Variants in ZFAND3 observed in about 807,000 individuals in gnomAD.
ZFAND3 encodes the protein zinc finger AN1-type containing 3.
A neutral mutation model predicts 29.6 loss-of-function variants in ZFAND3; 10 were observed. The observed-to-expected ratio is 0.34, with a 90% CI of 0.21 to 0.57. The LOEUF (loss-of-function observed/expected upper bound fraction) is 0.57, where lower values mean the gene tolerates loss of function less well. ZFAND3 is among the 20% of genes least tolerant of loss of function. The pLI is 0.86. For synonymous variants in ZFAND3, 128 were observed against 112.6 expected (o/e 1.14, Z -0.87); for missense variants, 230 against 304.5 (o/e 0.76, Z 1.82).
chr6:37,840,138 C>G (rs1332213331), intron 1 of ZFAND3, among the ~76,000 whole-genome samples: 1 of 151,002 alleles, frequency 6.6e-6, no homozygotes, highest in African/African-American at 2.4e-5. Flanking sequence ...GCTCTTGTTG[C>G]CCAAGCTGGA....
chr6:38,152,354 C>A lies in ZFAND3; in HGVS notation c.649C>A (p.Arg217Ser). Residue 217 changes from arginine to serine, a missense_variant, in exon 6 of 6, where the codon CGC becomes AGC. Arg to Ser is a moderately radical substitution (Grantham distance 110). Transcript: ENST00000287218. ...GGTGAAGCTGGACCGGAAAGTGGGGCGCTCCTGCCAGCGCATCGGGGAGGG... is the reference window on the plus strand; with the variant it reads ...GGTGAAGCTGGACCGGAAAGTGGGGAGCTCCTGCCAGCGCATCGGGGAGGG... ...KMVKLDRKVG[R>S]SCQRIGEGCS 1.2e-6 allele frequency: 2 copies of A among 1,606,708 alleles called. No homozygotes were observed. Among genetic ancestry groups the A allele is most frequent in the South Asian group, 1.1e-5 (1 of 89,874 alleles).
intron 1 of ZFAND3, among the ~76,000 whole-genome samples, chr6:37,854,223 T>C (rs574958121): frequency 6.6e-6 from 1 of 152,300 alleles, no homozygotes; most frequent in East Asian, 1.9e-4. Flanking sequence ...AGTGCTGGGA[T>C]TACAAGCGTG....
chr6:37,990,550 A>G (rs796139737), intron 2 of ZFAND3, among the ~76,000 whole-genome samples: 7 of 152,364 alleles, frequency 4.6e-5, no homozygotes, highest in African/African-American at 1.7e-4. Flanking sequence ...CTCAATAAAA[A>G]TATGTAACAT....
intron 2 of ZFAND3, among the ~76,000 whole-genome samples, chr6:37,933,322 G>C (rs1761633207): frequency 6.6e-6 from 1 of 152,126 alleles, no homozygotes. Flanking sequence ...TGAATGAAAT[G>C]GGAAAAACAT....
chr6:37,960,665 A>G (rs914809111), intron 2 of ZFAND3, among the ~76,000 whole-genome samples: 1 of 152,174 alleles, frequency 6.6e-6, no homozygotes, highest in Non-Finnish European at 1.5e-5. Context: ...CTGTATTTAC[A>G]TGTTCATTCA....
chr6:37,958,929 A>G (rs1352446382), intron 2 of ZFAND3, among the ~76,000 whole-genome samples: 1 of 152,202 alleles, frequency 6.6e-6, no homozygotes, highest in Non-Finnish European at 1.5e-5. Context: ...ACCTTAGTCA[A>G]AAGTACAAAA....
chr6:38,081,152 G>GT (rs1382780837), intron 3 of ZFAND3, among the ~76,000 whole-genome samples: 2 of 149,890 alleles, frequency 1.3e-5, no homozygotes, highest in African/African-American at 4.9e-5. Context: ...ATGTACAGAA[G>GT]TTTTTTCTTT....
chr6:37,917,084 A>G (rs1761272746), intron 1 of ZFAND3, among the ~76,000 whole-genome samples: 3 of 152,194 alleles, frequency 2.0e-5, no homozygotes, highest in Non-Finnish European at 1.5e-5. Flanking sequence ...ATTGTTGTTA[A>G]TCTTTTACTG....
chr6:37,904,716 A>G (rs1054612056), intron 1 of ZFAND3, among the ~76,000 whole-genome samples: 10 of 152,222 alleles, frequency 6.6e-5, no homozygotes, highest in African/African-American at 2.4e-4. Context: ...GATTATTTCC[A>G]TAGTAGCCTG....
At chr6:38,075,779 C>G (rs1296730567) in intron 3 of ZFAND3, among the ~76,000 whole-genome samples, 1 of 148,272 alleles carries the variant, frequency 6.7e-6, no homozygotes, top group African/African-American at 2.5e-5. Flanking sequence ...TGAGACAGAG[C>G]CTCGCTCTGT....
At chr6:38,029,630 A>T (rs1763511323) in intron 2 of ZFAND3, among the ~76,000 whole-genome samples, 1 of 152,198 alleles carries the variant, frequency 6.6e-6, no homozygotes, top group Non-Finnish European at 1.5e-5. Context: ...ATTCCCCCTC[A>T]AAAACCTTAT....
chr6:37,959,109 T>G (rs967106623), intron 2 of ZFAND3, among the ~76,000 whole-genome samples: 2 of 152,246 alleles, frequency 1.3e-5, no homozygotes, highest in African/African-American at 4.8e-5. Context: ...GGTGTGGTAT[T>G]CTCGGCAGCC....
chr6:37,993,729 C>T (rs1314348354), intron 2 of ZFAND3, among the ~76,000 whole-genome samples: 2 of 152,128 alleles, frequency 1.3e-5, no homozygotes, highest in East Asian at 3.8e-4. Context: ...CCTTTAAAAA[C>T]TCAGGAATTT....
Position 37,844,780 on chromosome 6 carries a change from C to T in ZFAND3, c.71+24764C>T, listed in dbSNP as rs528322424. 5.3e-5 allele frequency among the ~76,000 whole-genome samples: 8 copies of T among 151,258 alleles called. No individual in the cohort carries two copies. The East Asian group carries it at 5.9e-4, about 11-fold the overall frequency. On this transcript the variant is annotated intron_variant, in intron 1 of 5. Transcript: ENST00000287218. ...CTGTAATCCCAGCACTTTGGGAGGC[C>T]GACGTGGGCGGATCACGAAGTCAGG...
At chr6:38,138,414 T>C (rs1039403500) in intron 5 of ZFAND3, among the ~76,000 whole-genome samples, 2 of 136,128 alleles carry the variant, frequency 1.5e-5, no homozygotes, top group Non-Finnish European at 3.4e-5. Context: ...ACATCTCAGG[T>C]CAATTTTTTT....
At chr6:37,933,038 G>A (rs1761627315) in intron 2 of ZFAND3, among the ~76,000 whole-genome samples, 1 of 152,198 alleles carries the variant, frequency 6.6e-6, no homozygotes, top group African/African-American at 2.4e-5. Flanking sequence ...TGTCATCTCA[G>A]TATGAACATA....
At chr6:37,828,897 G>T (rs895958874) in intron 1 of ZFAND3, among the ~76,000 whole-genome samples, 1 of 152,014 alleles carries the variant, frequency 6.6e-6, no homozygotes, top group Non-Finnish European at 1.5e-5. Flanking sequence ...TGATCCGCCC[G>T]CCTCGGCCTC....
chr6:37,890,370 A>C (rs910495317), intron 1 of ZFAND3, among the ~76,000 whole-genome samples: 1 of 152,212 alleles, frequency 6.6e-6, no homozygotes, highest in Non-Finnish European at 1.5e-5. Flanking sequence ...GGGTCTCAAT[A>C]GAGAGATTGC....
chr6:37,943,734 A>G (rs939482243), intron 2 of ZFAND3, among the ~76,000 whole-genome samples: 1 of 152,206 alleles, frequency 6.6e-6, no homozygotes, highest in Non-Finnish European at 1.5e-5. Context: ...AATGATGATC[A>G]TAGAATATTT....
Sources: gnomAD v4.1 joint callset for allele counts (sites outside exome capture counted in the v4.1 genomes callset) on GRCh38, gnomAD v4.1.1 for gene constraint, MANE v1.5 for transcripts, NCBI Gene and HGNC (gene_info 2026-07-23, HGNC 2026-07-21) for gene names.